CDH13: variants seen among roughly 807,000 people sequenced by gnomAD.
CDH13 encodes the protein cadherin 13.
CDH13 carries 24 observed loss-of-function variants against 63.8 expected under a neutral mutation model. The ratio of observed to expected loss-of-function variants is 0.38; its 90% CI spans 0.27 to 0.53. CDH13 has a LOEUF of 0.53. CDH13 is among the 20% of genes least tolerant of loss of function. The pLI is 0.85. For missense variants in CDH13, 1,049 were observed against 903.1 expected (o/e 1.16, Z -2.07); for synonymous variants, 503 against 355.3 (o/e 1.42, Z -4.67).
intron 3 of CDH13, among the ~76,000 whole-genome samples, chr16:83,055,326 T>C (rs770570570): frequency 3.3e-5 from 5 of 151,696 alleles, no homozygotes; most frequent in Non-Finnish European, 7.4e-5. Flanking sequence ...GTCAATAAAG[T>C]TTGTTCTTTG....
At chr16:83,300,836 G>A (rs991718672) in intron 5 of CDH13, among the ~76,000 whole-genome samples, 2 of 152,114 alleles carry the variant, frequency 1.3e-5, no homozygotes, top group Admixed American at 6.5e-5. Context: ...TGTATGTGAT[G>A]TTTTTAGAAC....
intron 1 of CDH13, among the ~76,000 whole-genome samples, chr16:82,760,392 G>A (rs1271869799): frequency 6.6e-6 from 1 of 152,144 alleles, no homozygotes; most frequent in Non-Finnish European, 1.5e-5. Context: ...ACTGTCATTT[G>A]CATCTAGTGT....
At chr16:83,693,191 C>T (rs1905071147) in intron 10 of CDH13, among the ~76,000 whole-genome samples, 1 of 152,190 alleles carries the variant, frequency 6.6e-6, no homozygotes, top group South Asian at 2.1e-4. Flanking sequence ...GAAGTGTAAC[C>T]TTGGGCAGAT....
At chr16:82,719,095 G>A (rs1005494767) in intron 1 of CDH13, among the ~76,000 whole-genome samples, 4 of 152,180 alleles carry the variant, frequency 2.6e-5, no homozygotes, top group Non-Finnish European at 5.9e-5. Context: ...GCTATGCCAT[G>A]TGAAAGTTAT....
intron 2 of CDH13, among the ~76,000 whole-genome samples, chr16:82,926,686 G>A (rs1203594124): frequency 2.6e-5 from 4 of 152,072 alleles, no homozygotes; most frequent in Non-Finnish European, 5.9e-5. Flanking sequence ...AGTGATTCTA[G>A]CTCTGCTGTA....
chr16:83,549,625 T>A lies in CDH13; in HGVS notation c.961-52829T>A, dbSNP rs147665828. Among the ~76,000 whole-genome samples the A allele has an allele frequency of 6.8e-5, 10 of 147,542 alleles. 1 individual carries two copies. The highest frequency in any genetic ancestry group is 2.5e-4 in the African/African-American group (10 of 39,618). Reference sequence around the variant, plus strand: ...TGGGACTATAGCTTTATTTCTTGCATCATTTTTCTCTACGCTCAAAAAAAA... The same window carrying A: ...TGGGACTATAGCTTTATTTCTTGCAACATTTTTCTCTACGCTCAAAAAAAA... On this transcript the variant is annotated intron_variant, in intron 7 of 13. Coordinates refer to ENST00000567109, the MANE Select transcript of CDH13 (RefSeq NM_001257.5).
chr16:83,584,696 G>A (rs1905975475), intron 7 of CDH13, among the ~76,000 whole-genome samples: 1 of 152,162 alleles, frequency 6.6e-6, no homozygotes, highest in Non-Finnish European at 1.5e-5. Flanking sequence ...CACTGTATTA[G>A]GCTATTCTTG....
At chr16:83,571,995 A>C (rs577184843) in intron 7 of CDH13, among the ~76,000 whole-genome samples, 1 of 152,146 alleles carries the variant, frequency 6.6e-6, no homozygotes, top group Admixed American at 6.5e-5. Context: ...TTTGTCATCT[A>C]TGAAGTGTGT....
intron 7 of CDH13, among the ~76,000 whole-genome samples, chr16:83,490,996 A>G (rs556652379): frequency 4.5e-4 from 68 of 152,232 alleles, no homozygotes; most frequent in Non-Finnish European, 8.8e-4. Flanking sequence ...CTGTTAGGTT[A>G]TCAGGGTGGA....
intron 8 of CDH13, among the ~76,000 whole-genome samples, chr16:83,608,689 G>A (rs1483734183): frequency 1.1e-5 from 1 of 93,232 alleles, no homozygotes; most frequent in Non-Finnish European, 2.2e-5. Flanking sequence ...TGGTATTTTT[G>A]TAGAGGCGAG....
intron 7 of CDH13, among the ~76,000 whole-genome samples, chr16:83,503,492 G>T (rs2074330593): frequency 6.6e-6 from 1 of 152,110 alleles, no homozygotes; most frequent in Non-Finnish European, 1.5e-5. Flanking sequence ...AACAGGAGAG[G>T]GAAAGGAGGA....
chr16:83,643,422 T>C (rs937667190), intron 8 of CDH13, among the ~76,000 whole-genome samples: 4 of 152,174 alleles, frequency 2.6e-5, no homozygotes, highest in Non-Finnish European at 5.9e-5. Context: ...CTTCAGTATA[T>C]TGCCATCTGT....
chr16:82,715,692 C>T (rs1016614422), intron 1 of CDH13, among the ~76,000 whole-genome samples: 27 of 152,130 alleles, frequency 1.8e-4, no homozygotes, highest in African/African-American at 5.8e-4. Flanking sequence ...AGAGACCACA[C>T]TGTGGAAGGG....
chr16:82,997,032 G>T (rs1352178550), intron 2 of CDH13, among the ~76,000 whole-genome samples: 1 of 146,006 alleles, frequency 6.8e-6, no homozygotes, highest in Non-Finnish European at 1.5e-5. Flanking sequence ...GATGGTGATG[G>T]TGGTGATGAT....
At chr16:83,464,257 A>G (rs996972560) in intron 6 of CDH13, among the ~76,000 whole-genome samples, 3 of 152,090 alleles carry the variant, frequency 2.0e-5, no homozygotes, top group Admixed American at 2.0e-4. Flanking sequence ...TCACGCCTGT[A>G]ATCCCAGCAC....
Position 83,103,076 on chromosome 16 carries a change from C to T in CDH13, c.367-22309C>T, listed in dbSNP as rs546731238. On this transcript the variant is annotated intron_variant, in intron 3 of 13. Coordinates refer to ENST00000567109, the MANE Select transcript of CDH13 (RefSeq NM_001257.5). ...CAAACAATTTTCCTGCCTCAGCTTC[C>T]GAAGTAGCTGGGATTACAGGAGTGT... Among the ~76,000 whole-genome samples the T allele has an allele frequency of 6.7e-5, 10 of 150,232 alleles. No individual in the cohort carries two copies. In the South Asian group the frequency reaches 2.1e-3, roughly 32 times the overall value.
intron 1 of CDH13, among the ~76,000 whole-genome samples, chr16:82,795,254 G>T (rs1172772453): frequency 2.0e-5 from 3 of 152,224 alleles, no homozygotes; most frequent in Non-Finnish European, 2.9e-5. Flanking sequence ...GACATGGACA[G>T]TTGTCCCAGG....
At position 83,202,506 on chromosome 16, in the gene CDH13, A is replaced by C. The variant is rs774866613; in HGVS notation, c.484-14839A>C. Among the ~76,000 whole-genome samples, 102 of 152,232 alleles carry C rather than the reference A, an allele frequency of 6.7e-4. 3 individuals carry two copies. Among genetic ancestry groups the C allele is most frequent in the Non-Finnish European group, 3.2e-4 (22 of 68,034 alleles). ...AGTGAGAAACCTCAAAGCTGTCTACACATCCTTCCAATGAAGGCACATGCA... is the reference window on the plus strand; with the variant it reads ...AGTGAGAAACCTCAAAGCTGTCTACCCATCCTTCCAATGAAGGCACATGCA... On this transcript the variant is annotated intron_variant, in intron 4 of 13. Coordinates refer to ENST00000567109, the MANE Select transcript of CDH13 (RefSeq NM_001257.5).
intron 5 of CDH13, among the ~76,000 whole-genome samples, chr16:83,311,516 A>G (rs1003079355): frequency 6.6e-6 from 1 of 152,164 alleles, no homozygotes; most frequent in African/African-American, 2.4e-5. Flanking sequence ...TGGATTTTGT[A>G]TATACATATA....
Sources: gnomAD v4.1 joint callset for allele counts (sites outside exome capture counted in the v4.1 genomes callset) on GRCh38, gnomAD v4.1.1 for gene constraint, MANE v1.5 for transcripts, NCBI Gene and HGNC (gene_info 2026-07-23, HGNC 2026-07-21) for gene names.